CA4: variants seen among roughly 807,000 people sequenced by gnomAD.
The protein encoded by CA4 is carbonic anhydrase 4.
A neutral mutation model predicts 34.5 loss-of-function variants in CA4; 24 were observed. The ratio of observed to expected loss-of-function variants is 0.70; its 90% confidence interval spans 0.50 to 0.98. The LOEUF is 0.98. Among genes scored for constraint, CA4 ranks in the 50% least tolerant of loss-of-function variants. CA4 has a pLI of 0.00. For synonymous variants in CA4, 178 were observed against 170.6 expected, an observed-to-expected ratio of 1.04 and a Z score of -0.34; for missense variants, 394 against 396.7, an observed-to-expected ratio of 0.99 and a Z score of 0.06.
chr17:60,173,311 C>T (rs2083928818), downstream of CA4, among the ~76,000 whole-genome samples: 1 of 152,220 alleles, frequency 6.6e-6, no homozygotes, highest in South Asian at 2.1e-4. Flanking sequence ...GCCTTCACAG[C>T]TCCTGCCTTC....
chr17:60,157,902 G>C (rs180892700), intron 5 of CA4, 114 bp downstream of exon 5: 1 of 1,519,576 alleles, frequency 6.6e-7, no homozygotes, highest in Non-Finnish European at 9.0e-7. Context: ...TCCAACTTCC[G>C]CCTCTGTTTC....
downstream of CA4, among the ~76,000 whole-genome samples, chr17:60,173,837 G>C (rs2083934027): frequency 5.9e-5 from 9 of 152,298 alleles, no homozygotes; most frequent in South Asian, 1.9e-3. Flanking sequence ...AATATGGGCA[G>C]GACTCTGGAC....
chr17:60,159,337 C>T lies in CA4; in HGVS notation c.852C>T (p.Ser284=), dbSNP rs200329982. ...QQLGQRTVIK[S]GAPGRPLPWA... ...TGGGGCAGCGCACGGTGATAAAGTC[C>T]GGGGCCCCGGGTCGGCCGCTGCCCT... The change falls in exon 8 of 8, where the codon TCC becomes TCT. Residue 284 remains serine, a synonymous_variant. Transcript: ENST00000300900. 31 of 1,608,458 alleles carry T rather than the reference C, an allele frequency of 1.9e-5. No homozygotes were observed. In the East Asian group the frequency reaches 3.1e-4, roughly 16 times the overall value.
chr17:60,177,599 G>A, the CA4 span, among the ~76,000 whole-genome samples: 5 of 152,154 alleles, frequency 3.3e-5, no homozygotes, highest in Non-Finnish European at 7.4e-5. Context: ...TTTTTAATGG[G>A]AATGGACAGA....
At chr17:60,173,628 T>G (rs2083932292), downstream of CA4, among the ~76,000 whole-genome samples, 1 of 152,238 alleles carries the variant, frequency 6.6e-6, no homozygotes, top group African/African-American at 2.4e-5. Flanking sequence ...CATATGCATA[T>G]CATCTTTCCC....
chr17:60,166,499 T>C (rs1474444974), intron 5 of CA4, among the ~76,000 whole-genome samples: 1 of 152,266 alleles, frequency 6.6e-6, no homozygotes, highest in Non-Finnish European at 1.5e-5. Flanking sequence ...TGCTAGATAT[T>C]GACACATTCC....
intron 3 of CA4, chr17:60,157,083 C>A (rs1442147990): frequency 3.8e-6 from 2 of 520,354 alleles, no homozygotes; most frequent in Non-Finnish European, 7.0e-6. Flanking sequence ...GGCTGGGGCC[C>A]AAGGGCAGAT....
At chr17:60,150,719 C>T (rs2083577057) in intron 1 of CA4, among the ~76,000 whole-genome samples, 1 of 149,146 alleles carries the variant, frequency 6.7e-6, no homozygotes, top group Non-Finnish European at 1.5e-5. Context: ...CCTCAACGCA[C>T]GCCTTCTTTT....
intron 5 of CA4, 88 bp downstream of exon 5, chr17:60,157,876 G>A (rs1400379836): frequency 1.3e-6 from 2 of 1,510,018 alleles, no homozygotes; most frequent in Non-Finnish European, 1.8e-6. Flanking sequence ...AGCGAGGCAG[G>A]AGGGGGCGGG....
chr17:60,171,773 G>T (rs2083912954), downstream of CA4, among the ~76,000 whole-genome samples: 1 of 152,184 alleles, frequency 6.6e-6, no homozygotes, highest in African/African-American at 2.4e-5. Flanking sequence ...AATGTGGCTG[G>T]AATGGCTGGA....
chr17:60,170,123 G>T (rs2083899838), intron 5 of CA4, among the ~76,000 whole-genome samples: 2 of 152,228 alleles, frequency 1.3e-5, no homozygotes, highest in Non-Finnish European at 2.9e-5. Context: ...TGGACATGTG[G>T]TATTTGGTTT....
At chr17:60,163,195 G>C (rs1422727441), downstream of CA4, among the ~76,000 whole-genome samples, 1 of 152,056 alleles carries the variant, frequency 6.6e-6, no homozygotes, top group African/African-American at 2.4e-5. Flanking sequence ...CCAGAGTCGT[G>C]GGGGCTGTGT....
intron 1 of CA4, among the ~76,000 whole-genome samples, chr17:60,151,983 C>T (rs946843347): frequency 4.6e-5 from 7 of 152,048 alleles, no homozygotes; most frequent in African/African-American, 1.4e-4. Flanking sequence ...GGATTATCCC[C>T]TGTCCCTCAG....
chr17:60,158,670 G>A (rs1468987281), intron 7 of CA4: 16 of 591,178 alleles, frequency 2.7e-5, no homozygotes, highest in Admixed American at 5.8e-5. Flanking sequence ...GAGTCATTCA[G>A]AAAATGGTGC....
chr17:60,157,847 T>G, intron 5 of CA4, 59 bp downstream of exon 5: 1 of 1,547,916 alleles, frequency 6.5e-7, no homozygotes, highest in Non-Finnish European at 8.9e-7. Flanking sequence ...CTTCTTAGGA[T>G]TCAGAGACCT....
In CA4 at chr17:60,158,100, G is replaced by C. The variant is rs780766093; in HGVS notation, c.553G>C (p.Glu185Gln). The C allele has an allele frequency of 1.2e-6, 2 of 1,614,108 alleles. No homozygotes were observed. Among genetic ancestry groups the C allele is most frequent in the East Asian group, 2.2e-5 (1 of 44,878 alleles). ...QVNEGFQPLV[E>Q]ALSNIPKPEM... ...GAACGAGGGCTTCCAGCCACTGGTG[G>C]AGGCACTGTCTAATATCCCCAAACC... The change falls in exon 6 of 8, where the codon GAG becomes CAG. Residue 185 changes from glutamate (E) to glutamine (Q), a missense_variant. Coordinates refer to ENST00000300900, the MANE Select transcript of CA4 (RefSeq NM_000717.5).
At chr17:60,175,189 A>ATT (rs555031745), downstream of CA4, among the ~76,000 whole-genome samples, 93 of 107,640 alleles carry the variant, frequency 8.6e-4, 2 homozygotes, top group African/African-American at 4.4e-3. Context: ...CACCCAGCTG[A>ATT]TTTTTTTTTT....
rs1239434872 is a variant in CA4 at position 60,157,738 on chromosome 17, G to C, written c.463G>C (p.Glu155Gln). ...KEKGTSRNVK[E>Q]AQDPEDEIAV... ...GAAGGGGACATCGAGGAATGTGAAA[G>C]AGGCCCAGGACCCTGAAGACGAAAT... The change falls in exon 5 of 8, where the codon GAG (glutamate) becomes CAG (glutamine). Residue 155 changes from glutamate (E) to glutamine (Q), a missense_variant. Coordinates refer to ENST00000300900, the MANE Select transcript of CA4 (RefSeq NM_000717.5). The C allele has an allele frequency of 1.2e-6, 2 of 1,614,166 alleles. No homozygotes were observed. Among genetic ancestry groups the C allele is most frequent in the Admixed American group, 3.3e-5 (2 of 60,028 alleles).
In CA4 at chr17:60,158,091, C is replaced by T. The variant is rs1359331119; in HGVS notation, c.544C>T (p.Pro182Ser). 6.2e-7 allele frequency: 1 copy of T among 1,614,064 alleles called. No homozygotes were observed. The highest frequency in any genetic ancestry group is 8.5e-7 in the Non-Finnish European group (1 of 1,179,990). ...AACCCAGGTGAACGAGGGCTTCCAG[C>T]CACTGGTGGAGGCACTGTCTAATAT... The part of the protein sequence containing the change: ...AGTQVNEGFQ[P>S]LVEALSNIPK... Residue 182 changes from proline (P) to serine (S), a missense_variant, in exon 6 of 8, where the codon CCA (proline) becomes TCA (serine). Pro to Ser is a moderately conservative substitution (Grantham distance 74). Transcript: ENST00000300900.
Sources: allele counts gnomAD v4.1 joint callset (sites outside exome capture counted in the v4.1 genomes callset), GRCh38; gene constraint gnomAD v4.1.1; transcripts MANE v1.5; gene names NCBI Gene and HGNC (gene_info 2026-07-23, HGNC 2026-07-21).